Variants in CMC2 observed in about 807,000 individuals in gnomAD.
CMC2 encodes C-X9-C motif containing 2.
Under a neutral mutation model 7.5 loss-of-function variants are expected in CMC2, and 5 were observed. That is an observed-to-expected ratio of 0.66 (90% CI 0.35 to 1.40). The LOEUF is 1.40. Among genes scored for constraint, CMC2 ranks in the 40% most tolerant of loss-of-function variants. The probability of loss-of-function intolerance (pLI) is 0.04; values close to 1 mark genes in which losing one functional copy is unlikely to be tolerated. For missense variants in CMC2, 115 were observed against 92.3 expected (o/e 1.25, Z -1.01); for synonymous variants, 37 against 31.4 (o/e 1.18, Z -0.60).
rs1911861129 is a variant in CMC2 at position 80,970,815 on chromosome 16, C to T, written c.*5278G>A. On this transcript the variant is annotated 3_prime_UTR_variant, in exon 4 of 4. Transcript: ENST00000219400. ...ATAAATTGGATGCAGGGGCTCATGC[C>T]TATAATCCCTGCTTTATAAAAAAAT... 1 of 152,090 alleles carries T rather than the reference C, an allele frequency of 6.6e-6. No individual in the cohort carries two copies. Among genetic ancestry groups the T allele is most frequent in the Non-Finnish European group, 1.5e-5 (1 of 68,032 alleles). 9.4% of individuals were successfully genotyped at this position (152,090 alleles called of 1,614,324 possible).
chr16:81,005,622 C>G (rs886306780), intron 1 of CMC2, among the ~76,000 whole-genome samples: 1 of 151,606 alleles, frequency 6.6e-6, no homozygotes, highest in African/African-American at 2.4e-5. Flanking sequence ...ACTAAGAAAG[C>G]GACTGGCGCT....
intron 2 of CMC2, chr16:80,988,447 A>G: frequency 1.5e-6 from 1 of 655,712 alleles, no homozygotes; most frequent in Non-Finnish European, 2.7e-6. Context: ...AACATTTGTC[A>G]ATTTCAAACT....
chr16:80,979,892 G>A (rs911190010), intron 3 of CMC2, among the ~76,000 whole-genome samples: 1 of 152,058 alleles, frequency 6.6e-6, no homozygotes, highest in African/African-American at 2.4e-5. Context: ...AGAATGCTGG[G>A]ATTATAGGCG....
At chr16:80,984,719 G>C (rs541919025) in intron 2 of CMC2, among the ~76,000 whole-genome samples, 20 of 152,040 alleles carry the variant, frequency 1.3e-4, no homozygotes, top group Non-Finnish European at 2.5e-4. Context: ...TTTCAAATGT[G>C]AGGCAATATT....
At chr16:81,002,862 A>C (rs1407073199) in intron 1 of CMC2, among the ~76,000 whole-genome samples, 4 of 152,218 alleles carry the variant, frequency 2.6e-5, no homozygotes, top group African/African-American at 9.7e-5. Flanking sequence ...TGACTATGTC[A>C]AAGAATAAAA....
chr16:80,987,655 CAGCAGAACTATAAA>C, intron 2 of CMC2, among the ~76,000 whole-genome samples: 1 of 152,280 alleles, frequency 6.6e-6, no homozygotes, highest in Admixed American at 6.5e-5. Context: ...GCAAAGATCA[CAGCAGAACTATAAA>C]AGCACGGAAA....
intron 1 of CMC2, 194 bp from the exon 2 acceptor site, chr16:80,997,623 C>G: frequency 4.9e-6 from 2 of 404,062 alleles, no homozygotes; most frequent in East Asian, 4.1e-5. Context: ...AGCAAGTTAT[C>G]AGTAGTATTT....
rs1306588733 is a variant in CMC2 at position 80,967,050 on chromosome 16, AAATT to A, written c.*9039_*9042del. 1.3e-5 allele frequency: 2 copies of A among 152,340 alleles called. No individual in the cohort carries two copies. Among genetic ancestry groups the A allele is most frequent in the Non-Finnish European group, 2.9e-5 (2 of 68,028 alleles). The allele number at this position is 152,340 out of a possible 1,614,324, so 9.4% of individuals were successfully genotyped here. ...ACTTTATTTATTCTTTATTCACTAA[AAATT>A]CATTCATTCAGTGAAAAAGCATTTA... On this transcript the variant is annotated 3_prime_UTR_variant, in exon 4 of 4. Transcript: ENST00000219400.
At chr16:81,002,865 G>T (rs139136160) in intron 1 of CMC2, among the ~76,000 whole-genome samples, 3 of 152,274 alleles carry the variant, frequency 2.0e-5, no homozygotes, top group Non-Finnish European at 4.4e-5. Context: ...CTATGTCAAA[G>T]AATAAAATGG....
At chr16:80,990,003 G>C (rs912727618) in intron 2 of CMC2, among the ~76,000 whole-genome samples, 1 of 152,010 alleles carries the variant, frequency 6.6e-6, no homozygotes, top group Non-Finnish European at 1.5e-5. Context: ...TTTTTCTTTA[G>C]TGTAATTAGA....
chr16:80,995,704 AG>A (rs1968363242), intron 2 of CMC2, among the ~76,000 whole-genome samples: 1 of 152,202 alleles, frequency 6.6e-6, no homozygotes, highest in Non-Finnish European at 1.5e-5. Context: ...AACAAATTCT[AG>A]AACTGCAAAA....
At chr16:80,992,845 TG>T (rs575989983) in intron 2 of CMC2, among the ~76,000 whole-genome samples, 216 of 152,088 alleles carry the variant, frequency 1.4e-3, no homozygotes, top group African/African-American at 5.0e-3. Context: ...GCATGTGCCA[TG>T]CCCGGCCACT....
In CMC2 at chr16:80,972,045, G is replaced by C. The variant is rs1200215878; in HGVS notation, c.*4048C>G. On this transcript the variant is annotated 3_prime_UTR_variant, in exon 4 of 4. Transcript: ENST00000219400. The stretch of plus-strand genomic sequence containing the variant: ...CTCCCATGTGACCAGCTGCCGGTGA[G>C]ATCAGACTAGAGCTTAGAGGACAGA... 1 of 152,244 alleles carries C rather than the reference G, an allele frequency of 6.6e-6. No homozygotes were observed. Among genetic ancestry groups the C allele is most frequent in the East Asian group, 1.9e-4 (1 of 5,186 alleles). The allele number at this position is 152,244 out of a possible 1,614,324, so 9.4% of individuals were successfully genotyped here.
chr16:80,976,376 G>C (rs1015230669), intron 3 of CMC2, among the ~76,000 whole-genome samples, 197 bp from the exon 4 acceptor site: 2 of 152,154 alleles, frequency 1.3e-5, no homozygotes, highest in African/African-American at 4.8e-5. Context: ...AGTTACCTTA[G>C]AGAGTATCTC....
chr16:80,969,066 T>A lies in CMC2; in HGVS notation c.*7027A>T, dbSNP rs755127383. On this transcript the variant is annotated 3_prime_UTR_variant, in exon 4 of 4. Coordinates refer to ENST00000219400, the MANE Select transcript of CMC2 (RefSeq NM_020188.5). Reference sequence around the variant, plus strand: ...CTGAGCAGAAAAAATATGTTTCCCATTGGTAAGTTAAGTGTGTGTGTCAGA... The same window carrying A: ...CTGAGCAGAAAAAATATGTTTCCCAATGGTAAGTTAAGTGTGTGTGTCAGA... 23 of 152,046 alleles carry A rather than the reference T, an allele frequency of 1.5e-4. No homozygotes were observed. Among genetic ancestry groups the A allele is most frequent in the Non-Finnish European group, 3.4e-4 (23 of 68,032 alleles). The allele number at this position is 152,046 out of a possible 1,614,324, so 9.4% of individuals were successfully genotyped here. A position where few individuals can be genotyped will look rare whatever the true frequency, so the allele number is the denominator to read the frequency against.
At chr16:80,977,869 A>T (rs1391016446) in intron 3 of CMC2, among the ~76,000 whole-genome samples, 1 of 152,104 alleles carries the variant, frequency 6.6e-6, no homozygotes, top group Non-Finnish European at 1.5e-5. Flanking sequence ...GTCAGGAGTT[A>T]GGGACCAGCC....
intron 2 of CMC2, chr16:80,988,746 G>T (rs1391840369): frequency 1.1e-4 from 58 of 530,976 alleles, no homozygotes; most frequent in South Asian, 2.7e-5. Flanking sequence ...AAAAAAGTTG[G>T]GTGGGTTTTT....
intron 2 of CMC2, among the ~76,000 whole-genome samples, chr16:80,990,473 A>G (rs1186726572): frequency 3.3e-5 from 5 of 151,898 alleles, no homozygotes; most frequent in Admixed American, 6.6e-5. Flanking sequence ...ACCGGCCAAA[A>G]GATTTTGTAA....
intron 2 of CMC2, among the ~76,000 whole-genome samples, chr16:80,995,005 G>T (rs572472811): frequency 1.3e-5 from 2 of 152,062 alleles, no homozygotes; most frequent in East Asian, 3.9e-4. Flanking sequence ...AATGAGCCAG[G>T]TGTGGTGACA....
Sources: allele counts gnomAD v4.1 joint callset (sites outside exome capture counted in the v4.1 genomes callset), GRCh38; gene constraint gnomAD v4.1.1; transcripts MANE v1.5; gene names NCBI Gene and HGNC (gene_info 2026-07-23, HGNC 2026-07-21).